The following SNX24 variants were observed in gnomAD, a reference collection of about 807,000 sequenced individuals.
SNX24 encodes the protein sorting nexin 24, also known as sorting nexin-24.
Under a neutral mutation model 28.7 loss-of-function variants are expected in SNX24, and 22 were observed. That is an observed-to-expected ratio of 0.77 (90% CI 0.55 to 1.10). The LOEUF (loss-of-function observed/expected upper bound fraction) is 1.10. Among genes scored for constraint, SNX24 ranks in the 50% least tolerant of loss-of-function variants. The pLI, the probability that SNX24 is intolerant of heterozygous loss-of-function variation, is 0.00. For synonymous variants in SNX24, 69 were observed against 71.5 expected, an observed-to-expected ratio of 0.96 and a Z score of 0.18; for missense variants, 221 against 201.1, an observed-to-expected ratio of 1.10 and a Z score of -0.60.
At chr5:122,966,304 A>G (rs30054) in intron 3 of SNX24, among the ~76,000 whole-genome samples, 117,103 of 152,246 alleles carry the variant, frequency 0.77, 45,920 homozygotes, top group East Asian at 0.99. Context: ...GTTCTAGGGT[A>G]CATGTGCACA....
chr5:122,995,263 A>G (rs1385673547), intron 3 of SNX24, among the ~76,000 whole-genome samples: 1 of 152,206 alleles, frequency 6.6e-6, no homozygotes, highest in East Asian at 1.9e-4. Flanking sequence ...GCAGCTTTGA[A>G]AATGCTGGAT....
chr5:122,920,064 A>G (rs1758367047), intron 1 of SNX24, among the ~76,000 whole-genome samples: 1 of 152,176 alleles, frequency 6.6e-6, no homozygotes, highest in African/African-American at 2.4e-5. Flanking sequence ...AACATCTAGA[A>G]AGTAGAAAAT....
At chr5:122,852,137 T>C (rs1189908639) in intron 1 of SNX24, among the ~76,000 whole-genome samples, 4 of 150,902 alleles carry the variant, frequency 2.7e-5, no homozygotes, top group Admixed American at 6.6e-5. Flanking sequence ...TATATATATA[T>C]GTATATATTT....
At chr5:122,913,637 C>G (rs1478416727) in intron 1 of SNX24, among the ~76,000 whole-genome samples, 1 of 151,832 alleles carries the variant, frequency 6.6e-6, no homozygotes, top group East Asian at 2.0e-4. Flanking sequence ...GGGCGGCTGC[C>G]AGGCAGAGGG....
intron 1 of SNX24, among the ~76,000 whole-genome samples, chr5:122,907,702 G>A (rs1402540340): frequency 6.6e-6 from 1 of 152,042 alleles, no homozygotes; most frequent in Non-Finnish European, 1.5e-5. Flanking sequence ...GCTTGATCTG[G>A]TATCTTAGTT....
chr5:122,989,064 A>G (rs933347840), intron 3 of SNX24, among the ~76,000 whole-genome samples: 3 of 152,050 alleles, frequency 2.0e-5, no homozygotes, highest in African/African-American at 7.2e-5. Flanking sequence ...CTCTCTTTTT[A>G]TAGCAATCAT....
chr5:122,957,592 TA>T (rs1206468371), intron 3 of SNX24, among the ~76,000 whole-genome samples: 1 of 152,218 alleles, frequency 6.6e-6, no homozygotes, highest in Non-Finnish European at 1.5e-5. Context: ...GGGATTGCCT[TA>T]AATCTGTAGA....
chr5:122,981,708 C>T (rs1327068974), intron 3 of SNX24, among the ~76,000 whole-genome samples: 3 of 152,226 alleles, frequency 2.0e-5, no homozygotes, highest in African/African-American at 4.8e-5. Flanking sequence ...GACGCAGTCT[C>T]GCTCTGTCTC....
At chr5:123,012,298 G>C (rs424247), downstream of SNX24, among the ~76,000 whole-genome samples, 1 of 152,132 alleles carries the variant, frequency 6.6e-6, no homozygotes, top group African/African-American at 2.4e-5. Context: ...GCCAAAAGGT[G>C]GAAACAACCC....
intron 1 of SNX24, among the ~76,000 whole-genome samples, chr5:122,904,731 T>G (rs1022863175): frequency 3.3e-5 from 5 of 152,192 alleles, no homozygotes; most frequent in Non-Finnish European, 5.9e-5. Context: ...AAGTTAACTG[T>G]GACCGAAGGA....
At chr5:122,966,944 G>C (rs1178058620) in intron 3 of SNX24, among the ~76,000 whole-genome samples, 2 of 152,136 alleles carry the variant, frequency 1.3e-5, no homozygotes, top group African/African-American at 4.8e-5. Context: ...AGGAATTCAA[G>C]GAGTCTGGAG....
At chr5:122,947,092 G>A (rs1011786534) in intron 3 of SNX24, among the ~76,000 whole-genome samples, 1 of 152,176 alleles carries the variant, frequency 6.6e-6, no homozygotes, top group Non-Finnish European at 1.5e-5. Context: ...TAAAACAAAA[G>A]AGCTGGACTC....
intron 1 of SNX24, among the ~76,000 whole-genome samples, chr5:122,877,034 G>T (rs538262951): frequency 5.3e-5 from 8 of 152,274 alleles, no homozygotes; most frequent in African/African-American, 1.9e-4. Context: ...GACTACCTTT[G>T]TTCTTTGTCC....
chr5:123,018,518 G>C (rs977534257), intron 5 of SNX24, among the ~76,000 whole-genome samples: 2 of 152,146 alleles, frequency 1.3e-5, no homozygotes, highest in Admixed American at 6.5e-5. Flanking sequence ...GCTCCAGGAA[G>C]AAAGTCCTCA....
At chr5:122,853,531 A>C (rs1249826489) in intron 1 of SNX24, 3 of 253,696 alleles carry the variant, frequency 1.2e-5, no homozygotes, top group Non-Finnish European at 2.5e-5. Context: ...AAATAGGCAC[A>C]AGAGGATTGA....
chr5:122,998,167 T>C (rs1762116629), intron 3 of SNX24: 1 of 152,312 alleles, frequency 6.6e-6, no homozygotes, highest in African/African-American at 2.4e-5. Flanking sequence ...TTTTTTTCTT[T>C]TTATTTTCTG....
intron 3 of SNX24, among the ~76,000 whole-genome samples, chr5:122,975,353 A>G (rs1021007142): frequency 3.0e-4 from 45 of 151,932 alleles, no homozygotes; most frequent in Admixed American, 2.6e-3. Flanking sequence ...TTGTTTGCTG[A>G]AAATAAATTT....
At chr5:122,939,313 A>G (rs962332556) in intron 2 of SNX24, among the ~76,000 whole-genome samples, 2 of 152,200 alleles carry the variant, frequency 1.3e-5, no homozygotes, top group African/African-American at 2.4e-5. Flanking sequence ...GCAAGCATGT[A>G]TGTTGCCTTG....
intron 3 of SNX24, among the ~76,000 whole-genome samples, chr5:122,954,090 G>A (rs1330558881): frequency 2.0e-5 from 3 of 151,974 alleles, no homozygotes; most frequent in Admixed American, 1.3e-4. Flanking sequence ...AAAGAGTATT[G>A]TATCTTTGAC....
Sources: gnomAD v4.1 joint callset for allele counts (sites outside exome capture counted in the v4.1 genomes callset) on GRCh38, gnomAD v4.1.1 for gene constraint, MANE v1.5 for transcripts, NCBI Gene and HGNC (gene_info 2026-07-23, HGNC 2026-07-21) for gene names.